Variants in CA10 observed in about 807,000 individuals in gnomAD.
CA10 encodes the protein carbonic anhydrase-related protein 10.
A neutral mutation model predicts 44.2 loss-of-function variants in CA10; 14 were observed. That is an observed-to-expected ratio of 0.32 (90% CI 0.21 to 0.50). The LOEUF is 0.50. Among genes scored for constraint, CA10 ranks in the 20% least tolerant of loss-of-function variants. The pLI is 0.99. For missense variants in CA10, 350 were observed against 409.7 expected (o/e 0.85, Z 1.26); for synonymous variants, 159 against 141.6 (o/e 1.12, Z -0.87).
intron 2 of CA10, among the ~76,000 whole-genome samples, chr17:51,934,250 T>C (rs181578830): frequency 3.5e-4 from 53 of 152,198 alleles, no homozygotes; most frequent in Non-Finnish European, 6.6e-4. Context: ...TTTAAGGCCA[T>C]AGAGGCAGGG....
intron 1 of CA10, among the ~76,000 whole-genome samples, chr17:52,115,167 G>C (rs1988865967): frequency 6.6e-6 from 1 of 152,168 alleles, no homozygotes; most frequent in African/African-American, 2.4e-5. Flanking sequence ...TGGTGGCCTG[G>C]TATTCAATCT....
At chr17:52,133,329 A>G (rs1479463058) in intron 1 of CA10, among the ~76,000 whole-genome samples, 2 of 152,206 alleles carry the variant, frequency 1.3e-5, no homozygotes, top group African/African-American at 4.8e-5. Context: ...GCCATAACAT[A>G]GCAGGAGACA....
At position 51,914,386 on chromosome 17, in the gene CA10, G is replaced by C. The variant is rs111964250; in HGVS notation, c.279+16604C>G. 1.5e-3 allele frequency among the ~76,000 whole-genome samples: 234 copies of C among 152,194 alleles called. 1 individual carries two copies. Among genetic ancestry groups the C allele is most frequent in the African/African-American group, 5.5e-3 (228 of 41,526 alleles). Reference sequence around the variant, plus strand: ...CTGCTTCAGTGATGACAACTATCTTGGGCATTTTATGTGCCATTTTTTTGA... The same window carrying C: ...CTGCTTCAGTGATGACAACTATCTTCGGCATTTTATGTGCCATTTTTTTGA... On this transcript the variant is annotated intron_variant, in intron 3 of 8. Coordinates refer to ENST00000451037, the MANE Select transcript of CA10 (RefSeq NM_020178.5).
At chr17:51,854,665 T>C (rs901511644) in intron 3 of CA10, among the ~76,000 whole-genome samples, 1 of 152,068 alleles carries the variant, frequency 6.6e-6, no homozygotes, top group Non-Finnish European at 1.5e-5. Flanking sequence ...TTGGTTCCCC[T>C]TTCTCTCTCC....
intron 4 of CA10, among the ~76,000 whole-genome samples, chr17:51,688,303 T>G (rs571791571): frequency 2.8e-4 from 43 of 152,340 alleles, no homozygotes; most frequent in Admixed American, 1.2e-3. Flanking sequence ...CCCAGATTCC[T>G]GAAACAGTGA....
chr17:52,046,315 A>T (rs1436661248), intron 2 of CA10, among the ~76,000 whole-genome samples: 1 of 151,478 alleles, frequency 6.6e-6, no homozygotes, highest in Non-Finnish European at 1.5e-5. Context: ...TAGTAAAAAA[A>T]AAAAGAATTT....
intron 3 of CA10, among the ~76,000 whole-genome samples, chr17:51,859,972 G>C (rs1979230533): frequency 6.6e-6 from 1 of 152,182 alleles, no homozygotes; most frequent in Non-Finnish European, 1.5e-5. Context: ...TGAGAGGTGA[G>C]TGGCTGTTTG....
At chr17:52,047,993 T>C (rs761766085) in intron 2 of CA10, among the ~76,000 whole-genome samples, 1 of 151,716 alleles carries the variant, frequency 6.6e-6, no homozygotes, top group African/African-American at 2.4e-5. Context: ...CAAGACTTGC[T>C]TCTCATCTAT....
intron 2 of CA10, among the ~76,000 whole-genome samples, chr17:52,003,689 A>T (rs1985505788): frequency 1.3e-5 from 2 of 151,998 alleles, no homozygotes; most frequent in African/African-American, 4.8e-5. Context: ...GGAACTTGCA[A>T]CTCAGGTAGG....
intron 1 of CA10, among the ~76,000 whole-genome samples, chr17:52,126,166 C>G (rs1989114713): frequency 3.3e-5 from 5 of 152,144 alleles, no homozygotes; most frequent in Admixed American, 3.3e-4. Context: ...CTATCCTGGA[C>G]AAACCTGTTA....
chr17:52,031,580 G>C (rs1986469122), intron 2 of CA10, among the ~76,000 whole-genome samples: 1 of 152,078 alleles, frequency 6.6e-6, no homozygotes, highest in African/African-American at 2.4e-5. Flanking sequence ...AATAACATGG[G>C]ATTCTGTGAC....
At chr17:51,679,830 G>T (rs934450912) in intron 4 of CA10, among the ~76,000 whole-genome samples, 3 of 152,124 alleles carry the variant, frequency 2.0e-5, no homozygotes, top group Non-Finnish European at 4.4e-5. Context: ...ATTTTTGTAT[G>T]GCCCATGAAC....
At chr17:51,648,255 G>A (rs755862509) in intron 6 of CA10, among the ~76,000 whole-genome samples, 25 of 152,204 alleles carry the variant, frequency 1.6e-4, no homozygotes, top group Non-Finnish European at 3.1e-4. Context: ...GGCATGCCAA[G>A]GGGATGTGGG....
Position 51,633,561 on chromosome 17 carries a change from G to A in CA10, c.879C>T (p.Asn293=), listed in dbSNP as rs1912686634. ...TGATATTGGTGCGGATGCAGCGGTT[G>A]TTGAGTGGCTGGACAGGCCTGAAGT... ...SDNFRPVQPL[N]NRCIRTNINF... The change falls in exon 8 of 9, where the codon AAC becomes AAT. Residue 293 remains asparagine, a synonymous_variant. Coordinates refer to ENST00000451037, the MANE Select transcript of CA10 (RefSeq NM_020178.5). 6.2e-7 allele frequency: 1 copy of A among 1,613,956 alleles called. No homozygotes were observed. Among genetic ancestry groups the A allele is most frequent in the African/African-American group, 1.3e-5 (1 of 74,912 alleles).
chr17:52,029,143 G>A (rs1986388122), intron 2 of CA10, among the ~76,000 whole-genome samples: 1 of 152,038 alleles, frequency 6.6e-6, no homozygotes, highest in African/African-American at 2.4e-5. Flanking sequence ...ACTTAATTGA[G>A]CCCATTTATG....
At chr17:52,157,529 A>C (rs1015290613) in intron 1 of CA10, among the ~76,000 whole-genome samples, 197 bp downstream of exon 1, 5,765 of 109,852 alleles carry the variant, frequency 0.052, 13 homozygotes, top group African/African-American at 0.078. Flanking sequence ...GATCCTAACC[A>C]CCCCCCCCCG....
intron 4 of CA10, among the ~76,000 whole-genome samples, chr17:51,712,252 A>G (rs1915963277): frequency 6.6e-6 from 1 of 152,208 alleles, no homozygotes; most frequent in East Asian, 1.9e-4. Context: ...AAGATGAAGC[A>G]ATAACTTGCT....
intron 2 of CA10, among the ~76,000 whole-genome samples, chr17:52,033,363 A>G (rs1318680240): frequency 6.6e-6 from 1 of 152,222 alleles, no homozygotes; most frequent in Non-Finnish European, 1.5e-5. Context: ...TTTGGAGAAT[A>G]TCACCGAAGT....
At chr17:51,916,633 T>C (rs1330512085) in intron 3 of CA10, among the ~76,000 whole-genome samples, 1 of 152,174 alleles carries the variant, frequency 6.6e-6, no homozygotes. Context: ...GAACTGTAGG[T>C]CCATTGAACC....
Sources: allele counts gnomAD v4.1 joint callset (sites outside exome capture counted in the v4.1 genomes callset), GRCh38; gene constraint gnomAD v4.1.1; transcripts MANE v1.5; gene names NCBI Gene and HGNC (gene_info 2026-07-23, HGNC 2026-07-21).